TBX5: variants seen among roughly 807,000 people sequenced by gnomAD.
The protein encoded by TBX5 is T-box transcription factor TBX5.
TBX5 carries 8 observed loss-of-function variants against 51.1 expected under a neutral mutation model. The observed-to-expected ratio is 0.16, with a 90% confidence interval of 0.09 to 0.28. TBX5 has a LOEUF of 0.28. Ranked by LOEUF, TBX5 falls within the 10% of genes least tolerant of loss-of-function variation. TBX5 has a pLI of 1.00. For synonymous variants in TBX5, 302 were observed against 266.4 expected (o/e 1.13, Z -1.30); for missense variants, 589 against 671.7 (o/e 0.88, Z 1.36).
chr12:114,374,403 T>G (rs1170963881), intron 7 of TBX5, among the ~76,000 whole-genome samples: 1 of 152,124 alleles, frequency 6.6e-6, no homozygotes, highest in Non-Finnish European at 1.5e-5. Context: ...ACACCCAAAC[T>G]CACCCCCAGG....
chr12:114,405,677 A>T lies in TBX5; in HGVS notation c.-88T>A. 3 of 984,194 alleles carry T rather than the reference A, an allele frequency of 3.0e-6. No individual in the cohort carries two copies. In the South Asian group the frequency reaches 1.4e-4, roughly 46 times the overall value. 61.0% of individuals were successfully genotyped at this position (984,194 alleles called of 1,614,324 possible). A position where few individuals can be genotyped will look rare whatever the true frequency, so the allele number is the denominator to read the frequency against. On this transcript the variant is annotated 5_prime_UTR_variant, in exon 1 of 9. Coordinates refer to ENST00000405440, the MANE Select transcript of TBX5 (RefSeq NM_181486.4). ...CACCACATCCTCTGCTGCTCCTAGC[A>T]GGGAAGCCGGCGGTGAGGCGGGGGA...
In TBX5 at chr12:114,355,674, G is replaced by A. The variant is rs761119136; in HGVS notation, c.1415C>T (p.Pro472Leu). 6 of 1,614,132 alleles carry A rather than the reference G, an allele frequency of 3.7e-6. No individual in the cohort carries two copies. In the South Asian group the frequency reaches 6.6e-5, roughly 18 times the overall value. ...AHQPVVRQCGPQTGLQSPGTL... is the reference protein window; with the variant it reads ...AHQPVVRQCGLQTGLQSPGTL... ...GCCAGGGGACTGCAGGCCAGTCTGA[G>A]GCCCACACTGCCTGACCACAGGCTG... The change falls in exon 9 of 9, where the codon CCT becomes CTT. Residue 472 changes from proline to leucine, a missense_variant. Coordinates refer to ENST00000405440, the MANE Select transcript of TBX5 (RefSeq NM_181486.4).
At chr12:114,380,695 T>C (rs1446330209) in intron 7 of TBX5, among the ~76,000 whole-genome samples, 2 of 152,102 alleles carry the variant, frequency 1.3e-5, no homozygotes, top group Non-Finnish European at 2.9e-5. Flanking sequence ...CTGGGCATGG[T>C]GGTATGCACC....
intron 6 of TBX5, among the ~76,000 whole-genome samples, chr12:114,386,644 G>A (rs1870829841): frequency 6.6e-6 from 1 of 152,108 alleles, no homozygotes. Flanking sequence ...TCAATAAGAA[G>A]AAAATAAATA....
chr12:114,376,309 C>T (rs1362353945), intron 7 of TBX5, among the ~76,000 whole-genome samples: 1 of 151,952 alleles, frequency 6.6e-6, no homozygotes, highest in Admixed American at 6.6e-5. Context: ...ACTATTCAGC[C>T]TTAAAAATAA....
At chr12:114,367,670 G>A (rs1216442134) in intron 7 of TBX5, among the ~76,000 whole-genome samples, 1 of 151,826 alleles carries the variant, frequency 6.6e-6, no homozygotes, top group African/African-American at 2.4e-5. Context: ...GAGAGAAGGT[G>A]GGGGTGGGGG....
At chr12:114,361,419 T>C (rs1026076580) in intron 8 of TBX5, among the ~76,000 whole-genome samples, 2 of 152,190 alleles carry the variant, frequency 1.3e-5, no homozygotes, top group Non-Finnish European at 2.9e-5. Context: ...TGCTTTTAGT[T>C]TCTAATGCGA....
intron 6 of TBX5, among the ~76,000 whole-genome samples, chr12:114,388,056 C>T (rs12317694): frequency 0.036 from 5,506 of 152,100 alleles, 295 homozygotes; most frequent in African/African-American, 0.12. Context: ...GCCATGTTGT[C>T]CAGGCTGGTC....
chr12:114,357,866 T>C (rs909979817), intron 8 of TBX5, among the ~76,000 whole-genome samples: 1 of 152,188 alleles, frequency 6.6e-6, no homozygotes, highest in Middle Eastern at 3.2e-3. Flanking sequence ...AATGAAACAC[T>C]GGGGCATCCA....
chr12:114,368,935 G>A (rs1869706657), intron 7 of TBX5, among the ~76,000 whole-genome samples: 1 of 152,080 alleles, frequency 6.6e-6, no homozygotes, highest in Non-Finnish European at 1.5e-5. Flanking sequence ...CTCCCCCTGG[G>A]GCCAGGAGGC....
chr12:114,364,182 C>T (rs1015670135), intron 8 of TBX5, among the ~76,000 whole-genome samples: 4 of 152,214 alleles, frequency 2.6e-5, no homozygotes, highest in African/African-American at 9.6e-5. Flanking sequence ...GTAACCCCAG[C>T]TCCAGAAAAA....
upstream of TBX5, chr12:114,407,725 AGCAAGACTAAGACGGGGT>A (rs1418388196): frequency 1.7e-5 from 17 of 976,418 alleles, no homozygotes; most frequent in East Asian, 1.8e-3. Flanking sequence ...GAGAAGATTC[AGCAAGACTAAGACGGGGT>A]GAAAAGCCAA....
upstream of TBX5, chr12:114,408,196 C>T: frequency 1.0e-6 from 1 of 985,364 alleles, no homozygotes; most frequent in Non-Finnish European, 1.2e-6. Context: ...CCTATCAGTG[C>T]CGGGTCTGCG....
intron 8 of TBX5, among the ~76,000 whole-genome samples, chr12:114,365,011 G>A (rs1274543595): frequency 6.6e-6 from 1 of 151,906 alleles, no homozygotes; most frequent in Non-Finnish European, 1.5e-5. Flanking sequence ...CTCACAAGAA[G>A]GGCCACCAGA....
Position 114,403,768 on chromosome 12 carries a change from G to T in TBX5, c.131C>A (p.Ala44Asp). 6.2e-7 allele frequency: 1 copy of T among 1,613,772 alleles called. No homozygotes were observed. Among genetic ancestry groups the T allele is most frequent in the Non-Finnish European group, 8.5e-7 (1 of 1,180,016 alleles). Residue 44 changes from alanine (A) to aspartate (D), a missense_variant, in exon 2 of 9, where the codon GCC becomes GAC. Coordinates refer to ENST00000405440, the MANE Select transcript of TBX5 (RefSeq NM_181486.4). ...APSKSPSSPQAAFTQQGMEGI... is the reference protein window; with the variant it reads ...APSKSPSSPQDAFTQQGMEGI... ...TCTCCTTACCTGCTGGGTGAAGGCG[G>T]CCTGCGGGGACGACGGGGACTTGCT...
rs116445134 is a variant in TBX5, at chr12:114,369,874, G to A, written c.756-3483C>T. ...AATGCCTCCTAATGTTCCAGCCACC[G>A]TACTGCTTGACTTATATGCTTATCC... On this transcript the variant is annotated intron_variant, in intron 7 of 8. Coordinates refer to ENST00000405440, the MANE Select transcript of TBX5 (RefSeq NM_181486.4). Among the ~76,000 whole-genome samples the A allele has an allele frequency of 8.5e-3, 1,293 of 151,886 alleles. 12 individuals are homozygous for A. Among genetic ancestry groups the A allele is most frequent in the African/African-American group, 0.023 (958 of 41,372 alleles).
At position 114,355,912 on chromosome 12, in the gene TBX5, G is replaced by A; in HGVS notation, c.1177C>T (p.Leu393=). 1 of 1,613,838 alleles carries A rather than the reference G, an allele frequency of 6.2e-7. No individual in the cohort carries two copies. ...CACGTGTTGCAGCTGATGTCCTCTA[G>A]GCTGGGCACAGGCTCGCTGGGGGGC... ...SAPPSEPVPS[L]EDISCNTWPS... The change falls in exon 9 of 9, where the codon CTA becomes TTA. Residue 393 remains leucine, a synonymous_variant. Coordinates refer to ENST00000405440, the MANE Select transcript of TBX5 (RefSeq NM_181486.4).
Position 114,372,380 on chromosome 12 carries a change from C to T in TBX5, c.756-5989G>A, listed in dbSNP as rs571525505. On this transcript the variant is annotated intron_variant, in intron 7 of 8. Coordinates refer to ENST00000405440, the MANE Select transcript of TBX5 (RefSeq NM_181486.4). ...AGTGAGGTGGCATGAACATAGCTCA[C>T]GGTGACTTCAGGCTCCTGGGCTCAA... is the stretch of plus-strand genomic sequence containing the variant. Among the ~76,000 whole-genome samples, 141 of 152,186 alleles carry T rather than the reference C, an allele frequency of 9.3e-4. 1 individual carries two copies. The highest frequency in any genetic ancestry group is 3.2e-3 in the African/African-American group (131 of 41,532).
chr12:114,366,448 A>G, intron 7 of TBX5, 57 bp from the exon 8 acceptor site: 1 of 1,563,834 alleles, frequency 6.4e-7, no homozygotes, highest in Non-Finnish European at 8.8e-7. Flanking sequence ...AGATTTCCTG[A>G]GTGGCTGAAC....
Sources: allele counts gnomAD v4.1 joint callset (sites outside exome capture counted in the v4.1 genomes callset), GRCh38; gene constraint gnomAD v4.1.1; transcripts MANE v1.5; gene names NCBI Gene and HGNC (gene_info 2026-07-23, HGNC 2026-07-21).